BMI1: variants seen among roughly 807,000 people sequenced by gnomAD.
BMI1 encodes the protein BMI1 proto-oncogene, polycomb ring finger, also known as polycomb complex protein BMI-1.
In BMI1, 9 loss-of-function variants were observed where a neutral mutation model predicts 39.1. That is an observed-to-expected ratio of 0.23 (90% CI 0.14 to 0.40). BMI1 has a LOEUF of 0.40. BMI1 is among the 10% of genes least tolerant of loss of function. The probability of loss-of-function intolerance (pLI) is 1.00; values close to 1 mark genes in which losing one functional copy is unlikely to be tolerated. For synonymous variants in BMI1, 131 were observed against 127.9 expected, an observed-to-expected ratio of 1.02 and a Z score of -0.16; for missense variants, 252 against 390.8, an observed-to-expected ratio of 0.64 and a Z score of 2.99.
In BMI1 at chr10:22,321,661, C is replaced by G. The variant is rs1354146725; in HGVS notation, c.-55C>G. 1 of 152,180 alleles carries G rather than the reference C, an allele frequency of 6.6e-6. No homozygotes were observed. The highest frequency in any genetic ancestry group is 2.4e-5 in the African/African-American group (1 of 41,364). The allele number at this position is 152,180 out of a possible 1,614,324, so 9.4% of individuals were successfully genotyped here. On this transcript the variant is annotated 5_prime_UTR_variant, in exon 1 of 10. Transcript: ENST00000376663. ...TTTTAACTTTCATTGTCTTTTCCGC[C>G]CGCTTCGATCGCCTCGCGCCGGCTG...
rs769721002 is a variant in BMI1, at chr10:22,327,720, T to C, written c.266-22T>C. On this transcript the variant is annotated intron_variant, in intron 4 of 9. Coordinates refer to ENST00000376663, the MANE Select transcript of BMI1 (RefSeq NM_005180.9). ...AGTTCTTTGTGTTATGCCAAATGTT[T>C]ACATCTTTTTTCCCCATTCAGATGA... is the stretch of plus-strand genomic sequence containing the variant. 6.8e-6 allele frequency: 11 copies of C among 1,613,212 alleles called. No homozygotes were observed. In the Admixed American group the frequency reaches 1.8e-4, roughly 27 times the overall value.
Position 22,329,461 on chromosome 10 carries a change from C to T in BMI1, c.900C>T (p.Pro300=), listed in dbSNP as rs768875896. 12 of 1,614,188 alleles carry T rather than the reference C, an allele frequency of 7.4e-6. No individual in the cohort carries two copies. The highest frequency in any genetic ancestry group is 1.0e-5 in the Non-Finnish European group (12 of 1,180,022). ...CTATGAATGGAACCAGCAACAGCCC[C>T]AGCGGTAACCACCAATCTTCTTTTG... ...SSTMNGTSNS[P]SGNHQSSFAN... The change falls in exon 10 of 10, where the codon CCC becomes CCT. Residue 300 remains proline (P), a synonymous_variant. Coordinates refer to ENST00000376663, the MANE Select transcript of BMI1 (RefSeq NM_005180.9).
Position 22,328,190 on chromosome 10 carries a change from T to G in BMI1, c.471+11T>G. 6.3e-7 allele frequency: 1 copy of G among 1,596,238 alleles called. No homozygotes were observed. The highest frequency in any genetic ancestry group is 2.2e-5 in the East Asian group (1 of 44,570). On this transcript the variant is annotated intron_variant, in intron 7 of 9. Coordinates refer to ENST00000376663, the MANE Select transcript of BMI1 (RefSeq NM_005180.9). ...AAATCTAAGGAGGAGGTATGTTTCA[T>G]GTTACAAAAACATATAGAAGAAACA...
At chr10:22,325,487 C>T (rs1260904866) in intron 1 of BMI1, among the ~76,000 whole-genome samples, 12 of 151,902 alleles carry the variant, frequency 7.9e-5, no homozygotes, top group Non-Finnish European at 1.5e-4. Flanking sequence ...CCCCGCCGCC[C>T]AGGACTGGGT....
Position 22,331,391 on chromosome 10 carries a change from G to C in BMI1, c.*1849G>C, listed in dbSNP as rs773924533. Reference sequence around the variant, plus strand: ...TGACTTATAGTGATGTGGCTAAGAAGTACATGCTTTGTTGTAAAATTGCTT... The same window carrying C: ...TGACTTATAGTGATGTGGCTAAGAACTACATGCTTTGTTGTAAAATTGCTT... On this transcript the variant is annotated 3_prime_UTR_variant, in exon 10 of 10. Coordinates refer to ENST00000376663, the MANE Select transcript of BMI1 (RefSeq NM_005180.9). 3 of 152,148 alleles carry C rather than the reference G, an allele frequency of 2.0e-5. No individual in the cohort carries two copies. The highest frequency in any genetic ancestry group is 4.4e-5 in the Non-Finnish European group (3 of 67,988). The allele number at this position is 152,148 out of a possible 1,614,324, so 9.4% of individuals were successfully genotyped here.
chr10:22,326,912 T>C lies in BMI1; in HGVS notation c.135T>C (p.Arg45=), dbSNP rs1388706642. The change falls in exon 3 of 10, where the codon CGT becomes CGC. Residue 45 remains arginine, a synonymous_variant. Coordinates refer to ENST00000376663, the MANE Select transcript of BMI1 (RefSeq NM_005180.9). ...TAGTCTGTAAAACGTGTATTGTTCG[T>C]TACCTGGAGACCAGCAAGTATTGTC... is the stretch of plus-strand genomic sequence containing the variant. ...LHSFCKTCIV[R]YLETSKYCPI... The C allele has an allele frequency of 6.2e-7, 1 of 1,614,090 alleles. No individual in the cohort carries two copies. Among genetic ancestry groups the C allele is most frequent in the East Asian group, 2.2e-5 (1 of 44,852 alleles).
At chr10:22,324,078 TAAATGCTC>T (rs1034806360) in intron 1 of BMI1, among the ~76,000 whole-genome samples, 14 of 152,224 alleles carry the variant, frequency 9.2e-5, no homozygotes, top group African/African-American at 3.4e-4. Context: ...ACATGTGACT[TAAATGCTC>T]AAAGCCAACC....
chr10:22,327,786 G>C lies in BMI1; in HGVS notation c.310G>C (p.Ala104Pro), dbSNP rs761499549. ...GGATTTTTATGCAGCTCATCCTTCT[G>C]CTGATGGTAAACCTTTTAGGGGAGG... is the stretch of plus-strand genomic sequence containing the variant. ...RRDFYAAHPS[A>P]DAANGSNEDR... The change falls in exon 5 of 10, where the codon GCT becomes CCT. Residue 104 changes from alanine (A) to proline (P), a missense_variant. Coordinates refer to ENST00000376663, the MANE Select transcript of BMI1 (RefSeq NM_005180.9). 7 of 1,613,178 alleles carry C rather than the reference G, an allele frequency of 4.3e-6. No homozygotes were observed. Among genetic ancestry groups the C allele is most frequent in the East Asian group, 2.2e-5 (1 of 44,772 alleles).
intron 3 of BMI1, 124 bp from the exon 4 acceptor site, chr10:22,327,471 A>G: frequency 1.0e-6 from 1 of 960,466 alleles, no homozygotes; most frequent in Non-Finnish European, 1.5e-6. Context: ...CTTATCAATA[A>G]TAGTTATAGA....
intron 1 of BMI1, among the ~76,000 whole-genome samples, chr10:22,325,092 C>A (rs1426371718): frequency 6.6e-6 from 1 of 152,182 alleles, no homozygotes; most frequent in African/African-American, 2.4e-5. Context: ...CATAGTTTGT[C>A]CAAATAAAAC....
intron 1 of BMI1, 134 bp from the exon 2 acceptor site, chr10:22,326,297 T>C: frequency 1.6e-6 from 2 of 1,239,236 alleles, no homozygotes; most frequent in Non-Finnish European, 1.1e-6. Flanking sequence ...AAATTCCTTC[T>C]GTAGAAACGT....
At chr10:22,327,501 AATATT>A (rs1217167282) in intron 3 of BMI1, 89 bp from the exon 4 acceptor site, 8 of 1,291,652 alleles carry the variant, frequency 6.2e-6, no homozygotes, top group Admixed American at 2.4e-5. Context: ...AATCAAGTAA[AATATT>A]ATAGCACAAA....
At chr10:22,323,497 A>C (rs1421812715) in intron 1 of BMI1, among the ~76,000 whole-genome samples, 2 of 152,360 alleles carry the variant, frequency 1.3e-5, no homozygotes, top group Middle Eastern at 3.4e-3. Flanking sequence ...GATGTATGTT[A>C]AGTGTGCAGA....
At chr10:22,324,246 G>A (rs182444001) in intron 1 of BMI1, among the ~76,000 whole-genome samples, 169 of 152,220 alleles carry the variant, frequency 1.1e-3, no homozygotes, top group Admixed American at 4.1e-3. Flanking sequence ...GTTTTTTAGT[G>A]CAGTATGCTT....
Position 22,326,574 on chromosome 10 carries a change from C to T in BMI1, c.112+13C>T, listed in dbSNP as rs1836157123. 1.2e-6 allele frequency: 2 copies of T among 1,611,982 alleles called. No individual in the cohort carries two copies. Among genetic ancestry groups the T allele is most frequent in the Non-Finnish European group, 8.5e-7 (1 of 1,179,274 alleles). ...TGTCTACATTCCTGTAAGTACCGAG[C>T]TTTAGCTCTCTTTTGTATCATGCGT... On this transcript the variant is annotated intron_variant, in intron 2 of 9. Transcript: ENST00000376663.
In BMI1 at chr10:22,329,729, A is replaced by C; in HGVS notation, c.*187A>C. 1.5e-6 allele frequency: 1 copy of C among 678,374 alleles called. No individual in the cohort carries two copies. The highest frequency in any genetic ancestry group is 2.3e-5 in the South Asian group (1 of 42,576). The allele number at this position is 678,374 out of a possible 1,614,324, so 42.0% of individuals were successfully genotyped here. ...CTCCTATGGACGTTAATTGAAAAGA[A>C]AGATTGTTGTTATAAAGAATTGGTT... On this transcript the variant is annotated 3_prime_UTR_variant, in exon 10 of 10. Transcript: ENST00000376663.
chr10:22,327,478 T>C (rs966418090), intron 3 of BMI1, 117 bp from the exon 4 acceptor site: 24 of 1,049,522 alleles, frequency 2.3e-5, no homozygotes, highest in African/African-American at 1.3e-4. Flanking sequence ...ATAATAGTTA[T>C]AGACAGCATC....
At chr10:22,328,535 C>G (rs554889359) in intron 7 of BMI1, 65 bp from the exon 8 acceptor site, 2 of 1,508,626 alleles carry the variant, frequency 1.3e-6, no homozygotes, top group East Asian at 2.4e-5. Context: ...TTCAAGCAAT[C>G]AAATTGAAAC....
Position 22,327,108 on chromosome 10 carries a change from G to A in BMI1, c.209+122G>A, listed in dbSNP as rs1836172663. 3 of 1,103,334 alleles carry A rather than the reference G, an allele frequency of 2.7e-6. No homozygotes were observed. The South Asian group carries it at 4.7e-5, about 17-fold the overall frequency. The allele number at this position is 1,103,334 out of a possible 1,614,324, so 68.3% of individuals were successfully genotyped here. A position where few individuals can be genotyped will look rare whatever the true frequency, so the allele number is the denominator to read the frequency against. ...TTGAATACATAACTAATATGTGTGT[G>A]CTTTGTGGAGGGTAGCCGTTTAATT... On this transcript the variant is annotated intron_variant, in intron 3 of 9. Coordinates refer to ENST00000376663, the MANE Select transcript of BMI1 (RefSeq NM_005180.9).
Sources: gnomAD v4.1 joint callset for allele counts (sites outside exome capture counted in the v4.1 genomes callset) on GRCh38, gnomAD v4.1.1 for gene constraint, MANE v1.5 for transcripts, NCBI Gene and HGNC (gene_info 2026-07-23, HGNC 2026-07-21) for gene names.